The following ZNF479 variants were observed in gnomAD, a reference collection of about 807,000 sequenced individuals.
ZNF479 encodes KRAB zinc finger protein KR19.
In ZNF479, 15 loss-of-function variants were observed where a neutral mutation model predicts 14.7. The observed-to-expected ratio is 1.02, with a 90% CI of 0.68 to 1.57. The LOEUF is 1.57. Ranked by LOEUF, ZNF479 falls within the 40% of genes most tolerant of loss-of-function variation. The pLI, the probability that ZNF479 is intolerant of heterozygous loss-of-function variation, is 0.00. For synonymous variants in ZNF479, 145 were observed against 211.5 expected (o/e 0.69, Z 2.73); for missense variants, 506 against 615.1 (o/e 0.82, Z 1.88).
At chr7:57,122,784 T>C (rs1405502147) in intron 3 of ZNF479, among the ~76,000 whole-genome samples, 2 of 152,046 alleles carry the variant, frequency 1.3e-5, no homozygotes, top group African/African-American at 4.8e-5. Flanking sequence ...GAGACAAAGA[T>C]TGATATTATA....
chr7:57,130,745 C>T (rs776890464), intron 1 of ZNF479, among the ~76,000 whole-genome samples: 3 of 152,056 alleles, frequency 2.0e-5, no homozygotes, highest in South Asian at 2.1e-4. Context: ...TTCCCAATCC[C>T]GCAATTGGGA....
chr7:57,128,388 T>G (rs753641511), intron 1 of ZNF479, among the ~76,000 whole-genome samples: 1 of 152,248 alleles, frequency 6.6e-6, no homozygotes, highest in Non-Finnish European at 1.5e-5. Context: ...CAGAACTTTC[T>G]GTGTAATAAA....
intron 1 of ZNF479, among the ~76,000 whole-genome samples, chr7:57,138,383 G>GCT: frequency 6.6e-6 from 1 of 152,176 alleles, no homozygotes; most frequent in African/African-American, 2.4e-5. Context: ...GTAAAATTGT[G>GCT]AATCTTATAG....
chr7:57,126,560 T>C, intron 2 of ZNF479, 32 bp downstream of exon 2: 6 of 1,583,858 alleles, frequency 3.8e-6, no homozygotes, highest in Non-Finnish European at 4.3e-6. Context: ...AAAAGCAATA[T>C]ATTAGGAATT....
At chr7:57,134,100 A>T (rs1364628283), upstream of ZNF479, among the ~76,000 whole-genome samples, 1 of 152,176 alleles carries the variant, frequency 6.6e-6, no homozygotes, top group Non-Finnish European at 1.5e-5. Flanking sequence ...GAGGCATCTG[A>T]AGCAGAGAAA....
chr7:57,131,316 C>T (rs777641385), intron 1 of ZNF479, among the ~76,000 whole-genome samples: 14 of 151,764 alleles, frequency 9.2e-5, no homozygotes, highest in Non-Finnish European at 1.9e-4. Flanking sequence ...TAACCCCAGC[C>T]CATTGGGAGG....
chr7:57,119,660 G>C lies in ZNF479; in HGVS notation c.*180C>G. The C allele has an allele frequency of 3.0e-6, 2 of 656,376 alleles. No individual in the cohort carries two copies. The highest frequency in any genetic ancestry group is 2.8e-5 in the East Asian group (1 of 35,788). The allele number at this position is 656,376 out of a possible 1,614,324, so 40.7% of individuals were successfully genotyped here. A position where few individuals can be genotyped will look rare whatever the true frequency, so the allele number is the denominator to read the frequency against. On this transcript the variant is annotated 3_prime_UTR_variant, in exon 4 of 4. Transcript: ENST00000319636. The stretch of plus-strand genomic sequence containing the variant: ...TAGGTTTATTAAGGTTTGAGGGTTG[G>C]TTAAAGGCTTTGTTACATTTTTTTA...
In ZNF479 at chr7:57,118,884, C is replaced by T. The variant is rs1228063851; in HGVS notation, c.*956G>A. Reference sequence around the variant, plus strand: ...CTTACCTACCATAACGTGTGACTACCATTTAAAGTCCTTGCCACATTTAAC... The same window carrying T: ...CTTACCTACCATAACGTGTGACTACTATTTAAAGTCCTTGCCACATTTAAC... On this transcript the variant is annotated 3_prime_UTR_variant, in exon 4 of 4. Transcript: ENST00000319636. 6.6e-5 allele frequency among the ~76,000 whole-genome samples: 10 copies of T among 152,280 alleles called. No individual in the cohort carries two copies. The highest frequency in any genetic ancestry group is 2.1e-4 in the South Asian group (1 of 4,832).
At chr7:57,130,094 A>AAACC (rs1786347346) in intron 1 of ZNF479, among the ~76,000 whole-genome samples, 1 of 152,216 alleles carries the variant, frequency 6.6e-6, no homozygotes, top group African/African-American at 2.4e-5. Context: ...AAGTAAGAGC[A>AAACC]AACCAACTTC....
At chr7:57,127,997 A>G (rs1020159961) in intron 1 of ZNF479, among the ~76,000 whole-genome samples, 5 of 150,108 alleles carry the variant, frequency 3.3e-5, no homozygotes, top group African/African-American at 1.2e-4. Context: ...GTGCAGTGGT[A>G]CCATCTAATC....
chr7:57,118,224 T>C lies in ZNF479; in HGVS notation c.*1616A>G, dbSNP rs62464800. ...GAGCATCTTCTCAGATCTTCAAATT[T>C]TTCCTTTAATATAAAATGTGTACAA... On this transcript the variant is annotated 3_prime_UTR_variant, in exon 4 of 4. Transcript: ENST00000319636. Among the ~76,000 whole-genome samples, 37,474 of 151,286 alleles carry C rather than the reference T, an allele frequency of 0.25. 1,751 individuals carry two copies. The highest frequency in any genetic ancestry group is 0.39 in the East Asian group (2,014 of 5,156).
intron 3 of ZNF479, among the ~76,000 whole-genome samples, chr7:57,124,489 A>C (rs1445308774): frequency 1.3e-5 from 2 of 152,238 alleles, no homozygotes; most frequent in African/African-American, 4.8e-5. Flanking sequence ...TAGACTAAGA[A>C]AAACCTAATG....
intron 3 of ZNF479, 133 bp downstream of exon 3, chr7:57,125,885 A>G (rs1786145208): frequency 1.6e-6 from 2 of 1,241,978 alleles, no homozygotes; most frequent in Non-Finnish European, 1.1e-6. Flanking sequence ...GAGCAAAAGA[A>G]AAAAATGACT....
chr7:57,127,104 C>A (rs1448315352), intron 1 of ZNF479, among the ~76,000 whole-genome samples: 1 of 150,160 alleles, frequency 6.7e-6, no homozygotes, highest in African/African-American at 2.5e-5. Flanking sequence ...CTCAGTGCAA[C>A]CTCCACCTCC....
chr7:57,123,971 C>G (rs971455582), intron 3 of ZNF479, among the ~76,000 whole-genome samples: 5 of 151,912 alleles, frequency 3.3e-5, no homozygotes, highest in African/African-American at 1.2e-4. Context: ...TATTCTTGCA[C>G]AGGGTCAAAT....
At chr7:57,139,681 G>A (rs1322465251) in exon 1 of ZNF479, 1 of 152,160 alleles carries the variant, frequency 6.6e-6, no homozygotes, top group Non-Finnish European at 1.5e-5. Flanking sequence ...TGTATCTCTG[G>A]ACCAATCATC....
At chr7:57,124,704 T>C (rs1026024620) in intron 3 of ZNF479, among the ~76,000 whole-genome samples, 4 of 152,180 alleles carry the variant, frequency 2.6e-5, no homozygotes, top group Non-Finnish European at 5.9e-5. Context: ...GAAAATCACA[T>C]GTGATAAGAC....
Position 57,118,532 on chromosome 7 carries a change from C to A in ZNF479, c.*1308G>T, listed in dbSNP as rs1203071367. ...GATTACAAGTGCACGCCACCACACCCAGCTAGTTTTTCTATTTTTAGTAGA... is the reference window on the plus strand; with the variant it reads ...GATTACAAGTGCACGCCACCACACCAAGCTAGTTTTTCTATTTTTAGTAGA... On this transcript the variant is annotated 3_prime_UTR_variant, in exon 4 of 4. Transcript: ENST00000319636. 6.6e-6 allele frequency among the ~76,000 whole-genome samples: 1 copy of A among 150,548 alleles called. No homozygotes were observed. The highest frequency in any genetic ancestry group is 1.5e-5 in the Non-Finnish European group (1 of 67,710).
intron 3 of ZNF479, among the ~76,000 whole-genome samples, chr7:57,125,244 T>G (rs1361907735): frequency 1.3e-5 from 2 of 152,132 alleles, no homozygotes; most frequent in Non-Finnish European, 2.9e-5. Flanking sequence ...CACTATAAAT[T>G]TTTTTAAAAC....
Sources: gnomAD v4.1 joint callset for allele counts (sites outside exome capture counted in the v4.1 genomes callset) on GRCh38, gnomAD v4.1.1 for gene constraint, MANE v1.5 for transcripts, NCBI Gene and HGNC (gene_info 2026-07-23, HGNC 2026-07-21) for gene names.